Variants in PPM1A observed in about 807,000 individuals in gnomAD.
PPM1A encodes the protein protein phosphatase, Mg2+/Mn2+ dependent 1A.
A neutral mutation model predicts 35.0 loss-of-function variants in PPM1A; 7 were observed. The observed-to-expected ratio is 0.20, with a 90% confidence interval of 0.11 to 0.38. The LOEUF (loss-of-function observed/expected upper bound fraction) is 0.38, where lower values mean the gene tolerates loss of function less well. Among genes scored for constraint, PPM1A ranks in the 10% least tolerant of loss-of-function variants. The probability of loss-of-function intolerance (pLI) is 1.00; values close to 1 mark genes in which losing one functional copy is unlikely to be tolerated. For synonymous variants in PPM1A, 153 were observed against 167.3 expected (o/e 0.91, Z 0.66); for missense variants, 239 against 467.8 (o/e 0.51, Z 4.51).
chr14:60,258,242 T>TA (rs560549072), intron 1 of PPM1A, among the ~76,000 whole-genome samples: 3 of 152,092 alleles, frequency 2.0e-5, no homozygotes, highest in Non-Finnish European at 2.9e-5. Flanking sequence ...AAGATTAAGT[T>TA]AGAGATATTT....
chr14:60,270,463 T>A (rs1003349752), intron 1 of PPM1A, among the ~76,000 whole-genome samples: 7 of 152,148 alleles, frequency 4.6e-5, no homozygotes, highest in African/African-American at 1.4e-4. Flanking sequence ...CTATAAATTT[T>A]TTTCTGCTTT....
intron 3 of PPM1A, chr14:60,288,271 C>T (rs999461371): frequency 5.2e-6 from 5 of 962,150 alleles, no homozygotes; most frequent in African/African-American, 1.8e-5. Flanking sequence ...ATGTAAGATA[C>T]ATCAAATATA....
chr14:60,257,617 T>C (rs1390186789), intron 1 of PPM1A, among the ~76,000 whole-genome samples: 1 of 152,200 alleles, frequency 6.6e-6, no homozygotes. Context: ...TTGTCTATTG[T>C]ACTGTTTTAA....
rs893305427 is a variant in PPM1A at position 60,273,312 on chromosome 14, T to G, written c.-20-9372T>G. On this transcript the variant is annotated intron_variant, in intron 1 of 5. Coordinates refer to ENST00000395076, the MANE Select transcript of PPM1A (RefSeq NM_021003.5). The surrounding 1 kb of genome is among the most constrained non-coding windows in gnomAD (Gnocchi z 4.3). ...GAATGAGTAGGAATTATCTAAGACA[T>G]GAGAGAACAGCTGTTAAGGTAGGGA... is the stretch of plus-strand genomic sequence containing the variant. 1.4e-4 allele frequency among the ~76,000 whole-genome samples: 22 copies of G among 152,240 alleles called. No homozygotes were observed. The highest frequency in any genetic ancestry group is 1.4e-3 in the Admixed American group (22 of 15,298).
At chr14:60,285,478 A>G (rs79560144) in intron 2 of PPM1A, 146 bp from the exon 3 acceptor site, 27 of 746,174 alleles carry the variant, frequency 3.6e-5, no homozygotes, top group African/African-American at 1.1e-4. Flanking sequence ...ACACGCACGC[A>G]TGCGTGCACA....
chr14:60,246,053 A>C, upstream of PPM1A: 1 of 1,567,894 alleles, frequency 6.4e-7, no homozygotes, highest in Non-Finnish European at 8.6e-7. Context: ...ACAGGTAGTG[A>C]GGGAGGAAGG....
chr14:60,291,574 ATTGCTCTGAACTCTGC>A, intron 5 of PPM1A, 120 bp downstream of exon 5: 2 of 689,482 alleles, frequency 2.9e-6, no homozygotes, highest in Non-Finnish European at 4.5e-6. Flanking sequence ...CCCCTGATTG[ATTGCTCTGAACTCTGC>A]TTGCTCTGAT....
intron 1 of PPM1A, among the ~76,000 whole-genome samples, chr14:60,276,086 A>G (rs982611603): frequency 6.6e-6 from 1 of 152,060 alleles, no homozygotes; most frequent in African/African-American, 2.4e-5. Flanking sequence ...TTAATACTCT[A>G]TTGTTCCATA....
chr14:60,294,010 C>A lies in PPM1A; in HGVS notation c.*1528C>A, dbSNP rs1291350817. On this transcript the variant is annotated 3_prime_UTR_variant, in exon 6 of 6. Coordinates refer to ENST00000395076, the MANE Select transcript of PPM1A (RefSeq NM_021003.5). ...CATGTAATCATTCAGTAGGCAGATT[C>A]CCACTAGAAAACTGTTGAAATGTAA... The A allele has an allele frequency of 1.3e-5, 2 of 151,784 alleles. No homozygotes were observed. Among genetic ancestry groups the A allele is most frequent in the Non-Finnish European group, 2.9e-5 (2 of 67,850 alleles). The allele number at this position is 151,784 out of a possible 1,614,324, so 9.4% of individuals were successfully genotyped here.
intron 1 of PPM1A, chr14:60,267,423 C>A (rs146764308): frequency 2.8e-4 from 43 of 152,166 alleles, no homozygotes; most frequent in African/African-American, 9.1e-4. Flanking sequence ...CTCATTGTTA[C>A]GTTCCTAAAA....
At chr14:60,275,695 G>GA (rs1404453605) in intron 1 of PPM1A, among the ~76,000 whole-genome samples, 1 of 152,006 alleles carries the variant, frequency 6.6e-6, no homozygotes, top group Non-Finnish European at 1.5e-5. Context: ...GGCTGGTCTT[G>GA]AACTGCCCTC....
Position 60,273,251 on chromosome 14 carries a change from T to C in PPM1A, c.-20-9433T>C, listed in dbSNP as rs1885371283. 6.6e-6 allele frequency among the ~76,000 whole-genome samples: 1 copy of C among 152,186 alleles called. No individual in the cohort carries two copies. The highest frequency in any genetic ancestry group is 6.5e-5 in the Admixed American group (1 of 15,280). On this transcript the variant is annotated intron_variant, in intron 1 of 5. Transcript: ENST00000395076. This position sits in a 1 kb window ranked among gnomAD's most constrained non-coding sequence, Gnocchi z 4.3. ...TTGACCTAGGGAACTCAAAGGAGGC[T>C]CCTTTGAAGAATTGATGCTTGAGCT...
Position 60,292,453 on chromosome 14 carries a change from G to C in PPM1A, c.1120G>C (p.Asp374His). ...RLNPYKNDDT[D>H]STSTDDMW ...CCTTATTTTGCTTCCTTTTACAAAGGACTCTACATCAACAGATGATATGTG... is the reference window on the plus strand; with the variant it reads ...CCTTATTTTGCTTCCTTTTACAAAGCACTCTACATCAACAGATGATATGTG... The change falls in exon 6 of 6, where the codon GAC becomes CAC. Residue 374 changes from aspartate to histidine, a missense_variant and splice_region_variant. Transcript: ENST00000395076. The surrounding 1 kb of genome is among the most constrained non-coding windows in gnomAD (Gnocchi z 4.2). 6.3e-7 allele frequency: 1 copy of C among 1,599,886 alleles called. No homozygotes were observed. The highest frequency in any genetic ancestry group is 8.6e-7 in the Non-Finnish European group (1 of 1,168,450).
intron 1 of PPM1A, among the ~76,000 whole-genome samples, chr14:60,274,454 C>T (rs1885514082): frequency 6.6e-6 from 1 of 151,822 alleles, no homozygotes; most frequent in African/African-American, 2.4e-5. Flanking sequence ...ACATGGGTGA[C>T]ACTTGTGGCT....
intron 3 of PPM1A, chr14:60,288,542 C>A: frequency 3.1e-6 from 3 of 983,038 alleles, no homozygotes; most frequent in Non-Finnish European, 3.6e-6. Flanking sequence ...AATAAAGGAA[C>A]TTGGCAAACC....
chr14:60,245,846 G>A (rs571689700), upstream of PPM1A: 30 of 1,582,664 alleles, frequency 1.9e-5, no homozygotes, highest in Middle Eastern at 1.7e-4. This position sits in a 1 kb window ranked among gnomAD's most constrained non-coding sequence, Gnocchi z 4.2. Flanking sequence ...CTGTCTGCTC[G>A]CATGTTCTGT....
rs896957347 is a variant in PPM1A, at chr14:60,298,695, G to C, written c.*6213G>C. On this transcript the variant is annotated 3_prime_UTR_variant, in exon 6 of 6. Coordinates refer to ENST00000395076, the MANE Select transcript of PPM1A (RefSeq NM_021003.5). ...ATCACTTAATTTGTATAAATGTTAT[G>C]AGTGGAGAGACATGTACATGTTAAA... The C allele has an allele frequency of 2.0e-5, 3 of 151,752 alleles. No homozygotes were observed. Among genetic ancestry groups the C allele is most frequent in the African/African-American group, 7.2e-5 (3 of 41,404 alleles). 9.4% of individuals were successfully genotyped at this position (151,752 alleles called of 1,614,324 possible). A position where few individuals can be genotyped will look rare whatever the true frequency, so the allele number is the denominator to read the frequency against.
rs997709651 is a variant in PPM1A, at chr14:60,297,348, A to G, written c.*4866A>G. The G allele has an allele frequency of 2.0e-5, 3 of 151,714 alleles. No homozygotes were observed. Among genetic ancestry groups the G allele is most frequent in the Non-Finnish European group, 1.5e-5 (1 of 67,670 alleles). The allele number at this position is 151,714 out of a possible 1,614,324, so 9.4% of individuals were successfully genotyped here. On this transcript the variant is annotated 3_prime_UTR_variant, in exon 6 of 6. Coordinates refer to ENST00000395076, the MANE Select transcript of PPM1A (RefSeq NM_021003.5). ...TCCTTGTACGTGGCTGTAAATTTAT[A>G]AGAACTATTGTGTCACATAAACCAA...
Position 60,249,360 on chromosome 14 carries a change from G to T in PPM1A, c.-338G>T, listed in dbSNP as rs935718890. ...GCTCCGGAACGGGTGGTTGGGGAGGGGGGGGTGGGGGGACTCTAGACAGCT... is the reference window on the plus strand; with the variant it reads ...GCTCCGGAACGGGTGGTTGGGGAGGTGGGGGTGGGGGGACTCTAGACAGCT... On this transcript the variant is annotated 5_prime_UTR_variant, in exon 1 of 6. Coordinates refer to ENST00000395076, the MANE Select transcript of PPM1A (RefSeq NM_021003.5). This position sits in a 1 kb window ranked among gnomAD's most constrained non-coding sequence, Gnocchi z 4.5. The T allele has an allele frequency of 6.1e-6, 6 of 982,282 alleles. No individual in the cohort carries two copies. The African/African-American group carries it at 1.1e-4, about 17-fold the overall frequency. The allele number at this position is 982,282 out of a possible 1,614,324, so 60.8% of individuals were successfully genotyped here. A position where few individuals can be genotyped will look rare whatever the true frequency, so the allele number is the denominator to read the frequency against.
Sources: allele counts gnomAD v4.1 joint callset (sites outside exome capture counted in the v4.1 genomes callset), GRCh38; gene constraint gnomAD v4.1.1; non-coding constraint Gnocchi (gnomAD v3.1); transcripts MANE v1.5; gene names NCBI Gene and HGNC (gene_info 2026-07-23, HGNC 2026-07-21).